SRGAP1: variants seen among roughly 807,000 people sequenced by gnomAD.
SRGAP1 encodes SLIT-ROBO Rho GTPase-activating protein 1.
In SRGAP1, 43 loss-of-function variants were observed where a neutral mutation model predicts 121.9. The observed-to-expected ratio is 0.35, with a 90% CI of 0.28 to 0.46. The LOEUF is 0.46. SRGAP1 is among the 20% of genes least tolerant of loss of function. The pLI is 1.00. For synonymous variants in SRGAP1, 447 were observed against 485.4 expected (o/e 0.92, Z 1.04); for missense variants, 1,102 against 1,350.9 (o/e 0.82, Z 2.89).
At chr12:63,978,263 C>T (rs188985621) in intron 1 of SRGAP1, among the ~76,000 whole-genome samples, 1 of 152,354 alleles carries the variant, frequency 6.6e-6, no homozygotes, top group East Asian at 1.9e-4. Flanking sequence ...AAATGCAATT[C>T]AGTGGCTTTT....
chr12:64,137,978 AT>A, intron 21 of SRGAP1, among the ~76,000 whole-genome samples: 1 of 147,420 alleles, frequency 6.8e-6, no homozygotes, highest in African/African-American at 2.5e-5. Flanking sequence ...ATATATATAT[AT>A]ATAAAAAATA....
chr12:64,080,163 A>G, intron 9 of SRGAP1, 123 bp from the exon 10 acceptor site: 1 of 692,020 alleles, frequency 1.4e-6, no homozygotes, highest in Non-Finnish European at 2.3e-6. Flanking sequence ...GAATCGCTTG[A>G]ACCCCAGAGG....
At chr12:63,998,482 C>T (rs999770507) in intron 3 of SRGAP1, among the ~76,000 whole-genome samples, 9 of 152,100 alleles carry the variant, frequency 5.9e-5, no homozygotes, top group Admixed American at 3.9e-4. Flanking sequence ...TCTGTTCTAT[C>T]ACAGATTGGT....
chr12:63,919,511 TATATATATATACAC>T (rs1027277304), intron 1 of SRGAP1, among the ~76,000 whole-genome samples: 2 of 148,352 alleles, frequency 1.3e-5, no homozygotes, highest in African/African-American at 2.6e-5. Context: ...TATATATATA[TATATATATATACAC>T]ATACACACAC....
intron 18 of SRGAP1, among the ~76,000 whole-genome samples, chr12:64,123,130 G>A (rs2036629296): frequency 6.6e-6 from 1 of 152,158 alleles, no homozygotes; most frequent in South Asian, 2.1e-4. Flanking sequence ...ATTTTTGTAA[G>A]TAAAGCCAAA....
chr12:63,914,089 A>C (rs57116796), intron 1 of SRGAP1, among the ~76,000 whole-genome samples: 544 of 152,298 alleles, frequency 3.6e-3, no homozygotes, highest in African/African-American at 0.013. Context: ...GAACAATGAC[A>C]CTGTGACTCT....
chr12:64,042,344 A>T (rs1444017480), intron 4 of SRGAP1, among the ~76,000 whole-genome samples: 1 of 152,068 alleles, frequency 6.6e-6, no homozygotes, highest in Non-Finnish European at 1.5e-5. Flanking sequence ...TAATATTTAC[A>T]TTTTTTACTT....
chr12:64,032,400 A>T (rs2034800745), intron 4 of SRGAP1: 2 of 552,534 alleles, frequency 3.6e-6, no homozygotes. Flanking sequence ...ATAGTTAAAA[A>T]CTCTGCCTCA....
chr12:64,075,696 A>C (rs2035724672), intron 8 of SRGAP1, among the ~76,000 whole-genome samples: 1 of 152,184 alleles, frequency 6.6e-6, no homozygotes, highest in African/African-American at 2.4e-5. Flanking sequence ...TAGATATTTG[A>C]TTATGACCTC....
At chr12:63,946,560 G>A (rs1461939114) in intron 1 of SRGAP1, among the ~76,000 whole-genome samples, 38 of 138,938 alleles carry the variant, frequency 2.7e-4, no homozygotes, top group African/African-American at 9.9e-4. Flanking sequence ...TTTTTTTTGA[G>A]ACAGAGTCTC....
At chr12:63,907,223 T>C (rs2030257229) in intron 1 of SRGAP1, among the ~76,000 whole-genome samples, 2 of 152,140 alleles carry the variant, frequency 1.3e-5, no homozygotes, top group African/African-American at 2.4e-5. Context: ...AAGAAACATA[T>C]TCAAATTATT....
In SRGAP1 at chr12:64,148,356, A is replaced by G. The variant is rs887413434; in HGVS notation, c.*5684A>G. Reference sequence around the variant, plus strand: ...TAGTGCAGTGGTGCAATCTCAGCTCACTGCAACCTCCCCCTCCTGGATTCA... The same window carrying G: ...TAGTGCAGTGGTGCAATCTCAGCTCGCTGCAACCTCCCCCTCCTGGATTCA... On this transcript the variant is annotated 3_prime_UTR_variant, in exon 22 of 22. Transcript: ENST00000355086. The G allele has an allele frequency of 6.9e-6, 1 of 145,076 alleles. No individual in the cohort carries two copies. The highest frequency in any genetic ancestry group is 1.5e-5 in the Non-Finnish European group (1 of 67,098). The allele number at this position is 145,076 out of a possible 1,614,324, so 9.0% of individuals were successfully genotyped here. A position where few individuals can be genotyped will look rare whatever the true frequency, so the allele number is the denominator to read the frequency against.
chr12:63,927,305 A>T (rs1161638200), intron 1 of SRGAP1, among the ~76,000 whole-genome samples: 2 of 152,082 alleles, frequency 1.3e-5, no homozygotes, highest in Admixed American at 1.3e-4. Context: ...GCAGACTATG[A>T]CTGTACCCCT....
intron 1 of SRGAP1, among the ~76,000 whole-genome samples, chr12:63,895,746 C>T (rs1017645566): frequency 2.6e-5 from 4 of 152,256 alleles, no homozygotes; most frequent in Admixed American, 1.3e-4. Flanking sequence ...AAAGTGATGA[C>T]GTAGACAAAG....
At chr12:63,984,311 A>G (rs2033355112) in intron 2 of SRGAP1, among the ~76,000 whole-genome samples, 169 bp downstream of exon 2, 1 of 152,168 alleles carries the variant, frequency 6.6e-6, no homozygotes, top group Non-Finnish European at 1.5e-5. Flanking sequence ...TCAGTTTATC[A>G]TTTTAAACTA....
intron 21 of SRGAP1, among the ~76,000 whole-genome samples, chr12:64,136,550 A>G (rs947894172): frequency 2.6e-5 from 4 of 152,236 alleles, no homozygotes; most frequent in Admixed American, 6.5e-5. Flanking sequence ...TATTTTTAAT[A>G]AAAAGTACCC....
intron 4 of SRGAP1, among the ~76,000 whole-genome samples, chr12:64,027,926 A>G (rs2034690103): frequency 6.6e-6 from 1 of 152,198 alleles, no homozygotes; most frequent in South Asian, 2.1e-4. Context: ...AATGATTTCA[A>G]GATTCTGAAG....
chr12:64,107,771 A>G (rs1295006874), intron 15 of SRGAP1, among the ~76,000 whole-genome samples: 2 of 152,226 alleles, frequency 1.3e-5, no homozygotes, highest in Non-Finnish European at 2.9e-5. Context: ...ATATAAAAGT[A>G]TAGGAAGCTT....
At chr12:63,920,654 G>A (rs1379399693) in intron 1 of SRGAP1, among the ~76,000 whole-genome samples, 1 of 152,156 alleles carries the variant, frequency 6.6e-6, no homozygotes, top group African/African-American at 2.4e-5. Context: ...CAGAAGTTAA[G>A]GCAAGAGATA....
Sources: allele counts gnomAD v4.1 joint callset (sites outside exome capture counted in the v4.1 genomes callset), GRCh38; gene constraint gnomAD v4.1.1; transcripts MANE v1.5; gene names NCBI Gene and HGNC (gene_info 2026-07-23, HGNC 2026-07-21).